The following NKX2-3 variants were observed in gnomAD, a reference collection of about 807,000 sequenced individuals.
NKX2-3 encodes homeobox protein Nkx-2.3.
In NKX2-3, 3 loss-of-function variants were observed where a neutral mutation model predicts 14.2. The ratio of observed to expected loss-of-function variants is 0.21; its 90% confidence interval spans 0.10 to 0.55. The LOEUF (loss-of-function observed/expected upper bound fraction) is 0.55. NKX2-3 is among the 20% of genes least tolerant of loss of function. NKX2-3 has a pLI of 0.94. For synonymous variants in NKX2-3, 276 were observed against 234.2 expected, an observed-to-expected ratio of 1.18 and a Z score of -1.63; for missense variants, 511 against 514.5, an observed-to-expected ratio of 0.99 and a Z score of 0.06.
chr10:99,533,438 G>A lies in NKX2-3; in HGVS notation c.307G>A (p.Glu103Lys). ...CACGGTCCTGCGAGACTCGTGCAGCGAGCCCAAGGAACATGAAGAGGAGCC... is the reference window on the plus strand; with the variant it reads ...CACGGTCCTGCGAGACTCGTGCAGCAAGCCCAAGGAACATGAAGAGGAGCC... ...VHTVLRDSCS[E>K]PKEHEEEPEV... is the part of the protein sequence containing the mutation. The change falls in exon 1 of 2, where the codon GAG (glutamate) becomes AAG (lysine). Residue 103 changes from glutamate to lysine, a missense_variant. Transcript: ENST00000344586. 9 of 1,594,312 alleles carry A rather than the reference G, an allele frequency of 5.6e-6. No individual in the cohort carries two copies. Among genetic ancestry groups the A allele is most frequent in the South Asian group, 2.3e-5 (2 of 87,864 alleles).
At position 99,535,065 on chromosome 10, in the gene NKX2-3, A is replaced by G; in HGVS notation, c.439A>G (p.Ser147Gly). Residue 147 changes from serine to glycine, a missense_variant, in exon 2 of 2, where the codon AGC (serine) becomes GGC (glycine). Transcript: ENST00000344586. ...GGAGAGCGAGAGGCCGAAGCCACGCAGCCGCCGGAAGCCCCGGGTCCTCTT... is the reference window on the plus strand; with the variant it reads ...GGAGAGCGAGAGGCCGAAGCCACGCGGCCGCCGGAAGCCCCGGGTCCTCTT... ...AEESERPKPRSRRKPRVLFSQ... is the reference protein window; with the variant it reads ...AEESERPKPRGRRKPRVLFSQ... The G allele has an allele frequency of 6.2e-7, 1 of 1,605,640 alleles. No homozygotes were observed. The highest frequency in any genetic ancestry group is 1.7e-5 in the Admixed American group (1 of 59,134).
chr10:99,534,182 C>A (rs1172983925), intron 1 of NKX2-3, among the ~76,000 whole-genome samples: 1 of 152,238 alleles, frequency 6.6e-6, no homozygotes, highest in East Asian at 1.9e-4. Flanking sequence ...GTGTCCCAGG[C>A]TGCGGGCCTA....
At position 99,532,944 on chromosome 10, in the gene NKX2-3, T is replaced by C; in HGVS notation, c.-188T>C. 1.8e-6 allele frequency: 1 copy of C among 551,954 alleles called. No individual in the cohort carries two copies. The highest frequency in any genetic ancestry group is 3.2e-6 in the Non-Finnish European group (1 of 308,970). 34.2% of individuals were successfully genotyped at this position (551,954 alleles called of 1,614,324 possible). A position where few individuals can be genotyped will look rare whatever the true frequency, so the allele number is the denominator to read the frequency against. ...GGAGCCCGGGCCCCAGTCCCTGCAG[T>C]GGCTGTAACAAAACCCAGACCCCCA... is the stretch of plus-strand genomic sequence containing the variant. On this transcript the variant is annotated 5_prime_UTR_variant, in exon 1 of 2. Transcript: ENST00000344586.
chr10:99,535,030 A>G lies in NKX2-3; in HGVS notation c.404A>G (p.Lys135Arg). The change falls in exon 2 of 2, where the codon AAG (lysine) becomes AGG (arginine). Residue 135 changes from lysine (K) to arginine (R), a missense_variant. Coordinates refer to ENST00000344586, the MANE Select transcript of NKX2-3 (RefSeq NM_145285.3). Reference sequence around the variant, plus strand: ...TCTCTAGAGACGGCCGGAGACTGCAAGGCGGCGGAGGAGAGCGAGAGGCCG... The same window carrying G: ...TCTCTAGAGACGGCCGGAGACTGCAGGGCGGCGGAGGAGAGCGAGAGGCCG... ...KKSLETAGDCKAAEESERPKP... is the reference protein window; with the variant it reads ...KKSLETAGDCRAAEESERPKP... 1.2e-6 allele frequency: 2 copies of G among 1,606,386 alleles called. No individual in the cohort carries two copies. Among genetic ancestry groups the G allele is most frequent in the South Asian group, 2.2e-5 (2 of 89,944 alleles).
In NKX2-3 at chr10:99,535,439, C is replaced by A; in HGVS notation, c.813C>A (p.Ala271=). The A allele has an allele frequency of 7.9e-7, 1 of 1,263,916 alleles. No individual in the cohort carries two copies. The highest frequency in any genetic ancestry group is 1.0e-6 in the Non-Finnish European group (1 of 996,948). 78.3% of individuals were successfully genotyped at this position (1,263,916 alleles called of 1,614,324 possible). A position where few individuals can be genotyped will look rare whatever the true frequency, so the allele number is the denominator to read the frequency against. The change falls in exon 2 of 2, where the codon GCC becomes GCA. Residue 271 remains alanine, a synonymous_variant. Coordinates refer to ENST00000344586, the MANE Select transcript of NKX2-3 (RefSeq NM_145285.3). ...SFPAYGYGNS[A]AAAAAAAAAA... is the part of the protein sequence containing the mutation. ...CCGCCTACGGCTATGGGAACTCGGC[C>A]GCGGCCGCCGCCGCCGCCGCCGCCG... is the stretch of plus-strand genomic sequence containing the variant.
rs2033969437 is a variant in NKX2-3, at chr10:99,536,238, C to T, written c.*517C>T. The T allele has an allele frequency of 6.5e-6, 1 of 154,002 alleles. No individual in the cohort carries two copies. Among genetic ancestry groups the T allele is most frequent in the Non-Finnish European group, 1.5e-5 (1 of 68,924 alleles). The allele number at this position is 154,002 out of a possible 1,614,324, so 9.5% of individuals were successfully genotyped here. On this transcript the variant is annotated 3_prime_UTR_variant, in exon 2 of 2. Coordinates refer to ENST00000344586, the MANE Select transcript of NKX2-3 (RefSeq NM_145285.3). ...AGTCGATTTCGTTTCGCAGCTGTCT[C>T]CCCTCCGCAGCAGATACCTCGGTCC... is the stretch of plus-strand genomic sequence containing the variant.
chr10:99,534,836 A>G (rs2033948488), intron 1 of NKX2-3, 149 bp from the exon 2 acceptor site: 2 of 990,850 alleles, frequency 2.0e-6, no homozygotes, highest in Non-Finnish European at 2.9e-6. Context: ...AGGGTCCCAC[A>G]GCGCCAGGAG....
Position 99,535,076 on chromosome 10 carries a change from G to A in NKX2-3, c.450G>A (p.Lys150=), listed in dbSNP as rs560810054. The part of the protein sequence containing the change: ...SERPKPRSRR[K]PRVLFSQAQV... ...GGCCGAAGCCACGCAGCCGCCGGAA[G>A]CCCCGGGTCCTCTTCTCGCAAGCCC... is the stretch of plus-strand genomic sequence containing the variant. Residue 150 remains lysine (K), a synonymous_variant, in exon 2 of 2, where the codon AAG becomes AAA. Coordinates refer to ENST00000344586, the MANE Select transcript of NKX2-3 (RefSeq NM_145285.3). 8 of 1,607,476 alleles carry A rather than the reference G, an allele frequency of 5.0e-6. No individual in the cohort carries two copies. The highest frequency in any genetic ancestry group is 2.2e-5 in the South Asian group (2 of 90,064).
rs779916074 is a variant in NKX2-3, at chr10:99,534,979, C to T, written c.359-6C>T. ...CTAAGGACGCTGTTGTTTGCTTCTTCCGCAGAAAGCTGCCAGCTGAAGAAG... is the reference window on the plus strand; with the variant it reads ...CTAAGGACGCTGTTGTTTGCTTCTTTCGCAGAAAGCTGCCAGCTGAAGAAG... On this transcript the variant is annotated splice_region_variant and splice_polypyrimidine_tract_variant and intron_variant, in intron 1 of 1. Coordinates refer to ENST00000344586, the MANE Select transcript of NKX2-3 (RefSeq NM_145285.3). The T allele has an allele frequency of 1.3e-6, 2 of 1,586,090 alleles. No homozygotes were observed. Among genetic ancestry groups the T allele is most frequent in the East Asian group, 2.3e-5 (1 of 43,606 alleles).
Position 99,535,402 on chromosome 10 carries a change from A to G in NKX2-3, c.776A>G (p.Tyr259Cys), listed in dbSNP as rs1023512386. The G allele has an allele frequency of 5.6e-6, 8 of 1,429,256 alleles. No homozygotes were observed. In the African/African-American group the frequency reaches 7.7e-5, roughly 14 times the overall value. 88.5% of individuals were successfully genotyped at this position (1,429,256 alleles called of 1,614,324 possible). A position where few individuals can be genotyped will look rare whatever the true frequency, so the allele number is the denominator to read the frequency against. Residue 259 changes from tyrosine to cysteine, a missense_variant, in exon 2 of 2, where the codon TAC becomes TGC. Physicochemically the swap from Tyr to Cys is radical, Grantham distance 194 (BLOSUM62 -2). Transcript: ENST00000344586. Reference sequence around the variant, plus strand: ...AGCGTGGGCGCCAGCGCCTACTCCTACAACAGCTTCCCCGCCTACGGCTAT... The same window carrying G: ...AGCGTGGGCGCCAGCGCCTACTCCTGCAACAGCTTCCCCGCCTACGGCTAT... ...PYSVGASAYS[Y>C]NSFPAYGYGN...
intron 1 of NKX2-3, 93 bp downstream of exon 1, chr10:99,533,582 C>T: frequency 1.0e-6 from 1 of 987,628 alleles, no homozygotes; most frequent in Non-Finnish European, 1.5e-6. Context: ...CGCAGCTGCC[C>T]ATCCCTTTAC....
rs1049582597 is a variant in NKX2-3 at position 99,535,726 on chromosome 10, G to A, written c.*5G>A. The A allele has an allele frequency of 9.1e-6, 14 of 1,530,344 alleles. No individual in the cohort carries two copies. In the East Asian group the frequency reaches 3.5e-4, roughly 38 times the overall value. The allele number at this position is 1,530,344 out of a possible 1,614,324, so 94.8% of individuals were successfully genotyped here. A position where few individuals can be genotyped will look rare whatever the true frequency, so the allele number is the denominator to read the frequency against. On this transcript the variant is annotated 3_prime_UTR_variant, in exon 2 of 2. Coordinates refer to ENST00000344586, the MANE Select transcript of NKX2-3 (RefSeq NM_145285.3). Reference sequence around the variant, plus strand: ...CAGGGCATCCGGGCCTGGTAGGGACGGGGCGGGTCACGCGGCGGGCACCCC... The same window carrying A: ...CAGGGCATCCGGGCCTGGTAGGGACAGGGCGGGTCACGCGGCGGGCACCCC...
chr10:99,534,438 A>C (rs1425286072), intron 1 of NKX2-3, among the ~76,000 whole-genome samples: 1 of 152,246 alleles, frequency 6.6e-6, no homozygotes, highest in Non-Finnish European at 1.5e-5. Flanking sequence ...TCATTTTCAA[A>C]GTGCACACAG....
chr10:99,534,322 C>A (rs908044683), intron 1 of NKX2-3, among the ~76,000 whole-genome samples: 4 of 152,246 alleles, frequency 2.6e-5, no homozygotes, highest in Admixed American at 6.5e-5. Context: ...GAATCACAGT[C>A]TTTCCCCAAG....
chr10:99,533,878 C>T (rs1263572765), intron 1 of NKX2-3, among the ~76,000 whole-genome samples: 4 of 152,190 alleles, frequency 2.6e-5, no homozygotes, highest in Non-Finnish European at 4.4e-5. Context: ...TTTCGTTTTC[C>T]CTCTAGGGTG....
chr10:99,533,117 A>G lies in NKX2-3; in HGVS notation c.-15A>G, dbSNP rs753095948. ...CCGGGATTTATTATTTGGACTGGAC[A>G]ATTAAGTGGCCCTGATGATGTTACC... On this transcript the variant is annotated 5_prime_UTR_variant, in exon 1 of 2. Transcript: ENST00000344586. 2 of 1,522,012 alleles carry G rather than the reference A, an allele frequency of 1.3e-6. No homozygotes were observed. The highest frequency in any genetic ancestry group is 2.5e-5 in the South Asian group (2 of 79,424). The allele number at this position is 1,522,012 out of a possible 1,614,324, so 94.3% of individuals were successfully genotyped here.
At position 99,533,477 on chromosome 10, in the gene NKX2-3, G is replaced by T. The variant is rs774453161; in HGVS notation, c.346G>T (p.Asp116Tyr). 12 of 1,578,574 alleles carry T rather than the reference G, an allele frequency of 7.6e-6. No homozygotes were observed. The South Asian group carries it at 1.3e-4, about 17-fold the overall frequency. The change falls in exon 1 of 2, where the codon GAC (aspartate) becomes TAC (tyrosine). Residue 116 changes from aspartate (D) to tyrosine (Y), a missense_variant. Physicochemically the swap from Asp to Tyr is radical, Grantham distance 160. Coordinates refer to ENST00000344586, the MANE Select transcript of NKX2-3 (RefSeq NM_145285.3). Reference sequence around the variant, plus strand: ...TGAAGAGGAGCCCGAGGTCGTGAGGGACCGGAGCCAAAGTGAGTAGAGGGG... The same window carrying T: ...TGAAGAGGAGCCCGAGGTCGTGAGGTACCGGAGCCAAAGTGAGTAGAGGGG... ...EHEEEPEVVR[D>Y]RSQKSCQLKK...
intron 1 of NKX2-3, among the ~76,000 whole-genome samples, chr10:99,534,144 T>G (rs1382542504): frequency 2.6e-5 from 4 of 152,224 alleles, no homozygotes; most frequent in Non-Finnish European, 4.4e-5. Context: ...GCGCCAGCCT[T>G]TTTTGAAAAT....
Position 99,536,080 on chromosome 10 carries a change from G to A in NKX2-3, c.*359G>A, listed in dbSNP as rs553022624. The A allele has an allele frequency of 1.8e-4, 51 of 290,696 alleles. 1 individual carries two copies. The highest frequency in any genetic ancestry group is 1.1e-3 in the African/African-American group (49 of 44,892). 18.0% of individuals were successfully genotyped at this position (290,696 alleles called of 1,614,324 possible). On this transcript the variant is annotated 3_prime_UTR_variant, in exon 2 of 2. Transcript: ENST00000344586. ...CCCTCTGCCTTTCCGCGGCCTCCGC[G>A]AAGCGTTGGCGGGGAGCCCAAGGAC... is the stretch of plus-strand genomic sequence containing the variant.
Sources: gnomAD v4.1 joint callset for allele counts (sites outside exome capture counted in the v4.1 genomes callset) on GRCh38, gnomAD v4.1.1 for gene constraint, MANE v1.5 for transcripts, NCBI Gene and HGNC (gene_info 2026-07-23, HGNC 2026-07-21) for gene names.